SLC51B: variants seen among roughly 807,000 people sequenced by gnomAD.
The protein encoded by SLC51B is organic solute transporter subunit beta.
A neutral mutation model predicts 8.0 loss-of-function variants in SLC51B; 6 were observed. The ratio of observed to expected loss-of-function variants is 0.75; its 90% CI spans 0.41 to 1.48. The LOEUF (loss-of-function observed/expected upper bound fraction) is 1.48, where lower values mean the gene tolerates loss of function less well. Ranked by LOEUF, SLC51B falls within the 40% of genes most tolerant of loss-of-function variation. SLC51B has a pLI of 0.01. For missense variants in SLC51B, 150 were observed against 149.7 expected, an observed-to-expected ratio of 1.00 and a Z score of -0.01; for synonymous variants, 61 against 54.8, an observed-to-expected ratio of 1.11 and a Z score of -0.50.
chr15:65,050,833 C>CTTTTTTTTTTTTTTTT (rs67418433), intron 2 of SLC51B, among the ~76,000 whole-genome samples: 108 of 88,580 alleles, frequency 1.2e-3, no homozygotes, highest in Non-Finnish European at 1.5e-3. Context: ...TCTTCTTCTT[C>CTTTTTTTTTTTTTTTT]TTCTTTTTTT....
chr15:65,053,312 T>C lies in SLC51B; in HGVS notation c.*148T>C. 5 of 1,424,980 alleles carry C rather than the reference T, an allele frequency of 3.5e-6. No homozygotes were observed. The highest frequency in any genetic ancestry group is 4.6e-6 in the Non-Finnish European group (5 of 1,095,740). The allele number at this position is 1,424,980 out of a possible 1,614,324, so 88.3% of individuals were successfully genotyped here. ...TTTTTTTTTTTCTTAGCAGATACAA[T>C]GAATGAACTGCAAGCAAACTAAAAT... On this transcript the variant is annotated 3_prime_UTR_variant, in exon 4 of 4. Transcript: ENST00000334287.
chr15:65,053,394 T>G lies in SLC51B; in HGVS notation c.*230T>G, dbSNP rs1286602891. ...GCTCCTGGAAGGGAGCAGGTGGTAT[T>G]GCATAGTTTGTTCAGATGGCAGTGG... is the stretch of plus-strand genomic sequence containing the variant. On this transcript the variant is annotated 3_prime_UTR_variant, in exon 4 of 4. Transcript: ENST00000334287. The G allele has an allele frequency of 7.4e-7, 1 of 1,353,630 alleles. No homozygotes were observed. Among genetic ancestry groups the G allele is most frequent in the Non-Finnish European group, 9.5e-7 (1 of 1,054,998 alleles). 83.9% of individuals were successfully genotyped at this position (1,353,630 alleles called of 1,614,324 possible).
intron 1 of SLC51B, among the ~76,000 whole-genome samples, chr15:65,046,417 C>T (rs2086578216): frequency 6.6e-6 from 1 of 152,116 alleles, no homozygotes; most frequent in Non-Finnish European, 1.5e-5. Context: ...TTGCAGTGAG[C>T]TGAGATCATG....
chr15:65,051,241 G>T (rs2086649718), intron 2 of SLC51B, among the ~76,000 whole-genome samples: 1 of 152,148 alleles, frequency 6.6e-6, no homozygotes, highest in Non-Finnish European at 1.5e-5. Context: ...CCCTCCGTAG[G>T]CCTCTGCCCT....
chr15:65,053,374 T>C lies in SLC51B; in HGVS notation c.*210T>C, dbSNP rs548131435. ...AAAAAATCTTTTATTAAAATGCTCC[T>C]GGAAGGGAGCAGGTGGTATTGCATA... On this transcript the variant is annotated 3_prime_UTR_variant, in exon 4 of 4. Coordinates refer to ENST00000334287, the MANE Select transcript of SLC51B (RefSeq NM_178859.4). 18 of 1,386,244 alleles carry C rather than the reference T, an allele frequency of 1.3e-5. No individual in the cohort carries two copies. The African/African-American group carries it at 2.6e-4, about 20-fold the overall frequency. The allele number at this position is 1,386,244 out of a possible 1,614,324, so 85.9% of individuals were successfully genotyped here.
intron 1 of SLC51B, among the ~76,000 whole-genome samples, chr15:65,047,918 C>T (rs939361397): frequency 1.3e-5 from 2 of 152,154 alleles, no homozygotes; most frequent in African/African-American, 4.8e-5. Flanking sequence ...GTGGCTCAGG[C>T]CTGTATTCCT....
At chr15:65,046,476 A>C (rs2086579275) in intron 1 of SLC51B, among the ~76,000 whole-genome samples, 1 of 151,752 alleles carries the variant, frequency 6.6e-6, no homozygotes, top group Admixed American at 6.6e-5. Flanking sequence ...GTCTCAAAAA[A>C]AAGAAAGAAA....
Sources: gnomAD v4.1 joint callset for allele counts (sites outside exome capture counted in the v4.1 genomes callset) on GRCh38, gnomAD v4.1.1 for gene constraint, MANE v1.5 for transcripts, NCBI Gene and HGNC (gene_info 2026-07-23, HGNC 2026-07-21) for gene names.